WDR41: variants seen among roughly 807,000 people sequenced by gnomAD.
WDR41 encodes the protein WD repeat-containing protein 41.
WDR41 carries 63 observed loss-of-function variants against 69.3 expected under a neutral mutation model. The ratio of observed to expected loss-of-function variants is 0.91; its 90% CI spans 0.74 to 1.12. The LOEUF is 1.12. WDR41 is among the 50% of genes most tolerant of loss of function. WDR41 has a pLI of 0.00. For synonymous variants in WDR41, 185 were observed against 192.1 expected (o/e 0.96, Z 0.31); for missense variants, 543 against 534.5 (o/e 1.02, Z -0.16).
At chr5:77,613,491 C>A (rs1744608886) in intron 1 of WDR41, among the ~76,000 whole-genome samples, 1 of 151,920 alleles carries the variant, frequency 6.6e-6, no homozygotes, top group African/African-American at 2.4e-5. Context: ...AATAACGCCG[C>A]ATATCTACAA....
chr5:77,579,124 A>G (rs1334386748), intron 1 of WDR41, among the ~76,000 whole-genome samples: 2 of 152,300 alleles, frequency 1.3e-5, no homozygotes, highest in African/African-American at 4.8e-5. Context: ...AAAGGAATGA[A>G]GAAAAATGAG....
chr5:77,603,436 A>G (rs1025650862), intron 1 of WDR41, among the ~76,000 whole-genome samples: 5 of 152,104 alleles, frequency 3.3e-5, no homozygotes, highest in Non-Finnish European at 5.9e-5. Flanking sequence ...GGTTTTTACT[A>G]TTGAGCTGTT....
chr5:77,613,153 A>C (rs1407004234), intron 1 of WDR41, among the ~76,000 whole-genome samples: 1 of 152,084 alleles, frequency 6.6e-6, no homozygotes, highest in African/African-American at 2.4e-5. Flanking sequence ...GAGGATACAA[A>C]GAAATGGAAG....
At chr5:77,504,596 C>T (rs931218650) in intron 1 of WDR41, among the ~76,000 whole-genome samples, 1 of 152,160 alleles carries the variant, frequency 6.6e-6, no homozygotes, top group Admixed American at 6.5e-5. Flanking sequence ...GACCAATATC[C>T]CTGACGAACA....
intron 1 of WDR41, among the ~76,000 whole-genome samples, chr5:77,579,168 C>T (rs542618236): frequency 2.0e-5 from 3 of 151,976 alleles, no homozygotes; most frequent in Admixed American, 2.0e-4. Flanking sequence ...CTTGACTAAG[C>T]TTGCCCAACA....
chr5:77,493,535 C>T (rs1801888676), upstream of WDR41, among the ~76,000 whole-genome samples: 1 of 152,180 alleles, frequency 6.6e-6, no homozygotes, highest in Non-Finnish European at 1.5e-5. Flanking sequence ...CTCTGGAACT[C>T]GGATCTCCTA....
At chr5:77,434,203 C>T (rs1240178384) in intron 12 of WDR41, among the ~76,000 whole-genome samples, 2 of 151,852 alleles carry the variant, frequency 1.3e-5, no homozygotes, top group Non-Finnish European at 2.9e-5. Flanking sequence ...CCCAGCTACT[C>T]GGGAGGCCGA....
intron 9 of WDR41, among the ~76,000 whole-genome samples, chr5:77,440,293 T>A (rs1405274727): frequency 1.3e-5 from 2 of 152,208 alleles, no homozygotes; most frequent in African/African-American, 4.8e-5. Flanking sequence ...AGATCAGAGA[T>A]AAGATTCAGT....
chr5:77,433,630 C>A (rs1191093845), intron 12 of WDR41, among the ~76,000 whole-genome samples: 1 of 152,080 alleles, frequency 6.6e-6, no homozygotes, highest in African/African-American at 2.4e-5. Flanking sequence ...TGTCTGAATT[C>A]TAAATTTCCC....
chr5:77,472,654 T>C (rs1800681841), intron 2 of WDR41, among the ~76,000 whole-genome samples: 1 of 151,900 alleles, frequency 6.6e-6, no homozygotes, highest in African/African-American at 2.4e-5. Flanking sequence ...AAATCATGAG[T>C]GAACTCCCAT....
At chr5:77,530,001 G>T (rs1289251531) in intron 1 of WDR41, among the ~76,000 whole-genome samples, 2 of 147,822 alleles carry the variant, frequency 1.4e-5, no homozygotes, top group East Asian at 4.0e-4. Flanking sequence ...TGTCATAAAG[G>T]CTTCTCTCAA....
chr5:77,616,602 T>C (rs1561241363), intron 1 of WDR41, among the ~76,000 whole-genome samples: 2 of 152,312 alleles, frequency 1.3e-5, no homozygotes, highest in South Asian at 2.1e-4. Context: ...TGTGCATGTA[T>C]GTGTGTGTGT....
intron 5 of WDR41, among the ~76,000 whole-genome samples, chr5:77,454,918 A>T (rs1191364175): frequency 2.6e-5 from 4 of 152,232 alleles, no homozygotes; most frequent in Non-Finnish European, 5.9e-5. Context: ...GCTGATGGAC[A>T]TATAGATTGT....
At chr5:77,504,896 T>C (rs1802081733) in intron 1 of WDR41, among the ~76,000 whole-genome samples, 1 of 152,192 alleles carries the variant, frequency 6.6e-6, no homozygotes, top group Admixed American at 6.5e-5. Context: ...GAGATATTTA[T>C]GACAAATCCA....
chr5:77,529,933 G>T (rs1248361366), intron 1 of WDR41, among the ~76,000 whole-genome samples: 2 of 151,556 alleles, frequency 1.3e-5, no homozygotes, highest in African/African-American at 4.8e-5. Flanking sequence ...TGGCAGCATG[G>T]GATAATATTA....
intron 1 of WDR41, among the ~76,000 whole-genome samples, chr5:77,547,836 G>A (rs1743225995): frequency 6.6e-6 from 1 of 152,068 alleles, no homozygotes; most frequent in Admixed American, 6.5e-5. Flanking sequence ...GCAAGGCTAA[G>A]CAAAAAGAAC....
intron 4 of WDR41, among the ~76,000 whole-genome samples, chr5:77,459,708 T>C (rs1799964553): frequency 1.3e-5 from 2 of 152,172 alleles, no homozygotes; most frequent in South Asian, 4.1e-4. Flanking sequence ...AGAAATACAT[T>C]TTACACCATG....
chr5:77,479,970 T>G (rs1434969654), intron 2 of WDR41: 1 of 151,748 alleles, frequency 6.6e-6, no homozygotes, highest in African/African-American at 2.4e-5. Flanking sequence ...CTCCAACAAA[T>G]TTACAAGAAA....
chr5:77,604,947 CT>C (rs1744389418), intron 1 of WDR41, among the ~76,000 whole-genome samples: 2 of 152,176 alleles, frequency 1.3e-5, no homozygotes, highest in South Asian at 4.2e-4. Context: ...CAAATTGGTT[CT>C]TAATGCATTT....
Sources: allele counts gnomAD v4.1 joint callset (sites outside exome capture counted in the v4.1 genomes callset), GRCh38; gene constraint gnomAD v4.1.1; transcripts MANE v1.5; gene names NCBI Gene and HGNC (gene_info 2026-07-23, HGNC 2026-07-21).